Variants in DRC11 observed in about 807,000 individuals in gnomAD.
DRC11 encodes IQ and AAA domain-containing protein 1.
the DRC11 span, among the ~76,000 whole-genome samples, chr2:236,351,082 C>T: frequency 3.3e-5 from 5 of 152,268 alleles, no homozygotes; most frequent in Non-Finnish European, 7.4e-5. The surrounding 1 kb of genome is among the most constrained non-coding windows in gnomAD (Gnocchi z 7.3). Flanking sequence ...CTATGTTTGG[C>T]CCTGAACGTA....
At chr2:236,429,529 T>A in the DRC11 span, among the ~76,000 whole-genome samples, 1 of 152,288 alleles carries the variant, frequency 6.6e-6, no homozygotes, top group South Asian at 2.1e-4. The surrounding 1 kb of genome is among the most constrained non-coding windows in gnomAD (Gnocchi z 5.9). Context: ...ATAGCCTGGC[T>A]ACAGGAGTCA....
chr2:236,348,331 C>A, the DRC11 span, among the ~76,000 whole-genome samples: 1 of 152,186 alleles, frequency 6.6e-6, no homozygotes, highest in Admixed American at 6.5e-5. This position sits in a 1 kb window ranked among gnomAD's most constrained non-coding sequence, Gnocchi z 7.4. Flanking sequence ...CGACGCTGTA[C>A]ACTGAGCTGA....
chr2:236,381,192 G>C, the DRC11 span, among the ~76,000 whole-genome samples: 1,180 of 152,270 alleles, frequency 7.7e-3, 10 homozygotes, highest in Non-Finnish European at 0.01. The surrounding 1 kb of genome is among the most constrained non-coding windows in gnomAD (Gnocchi z 5.8). Context: ...CTTTGAAGTG[G>C]ATAATGAGGC....
the DRC11 span, among the ~76,000 whole-genome samples, chr2:236,345,915 C>G: frequency 2.0e-5 from 3 of 152,196 alleles, no homozygotes; most frequent in Non-Finnish European, 4.4e-5. Context: ...TAGGGACACT[C>G]TACTGTGTCT....
chr2:236,370,789 G>A, the DRC11 span, among the ~76,000 whole-genome samples: 1 of 120,862 alleles, frequency 8.3e-6, no homozygotes, highest in Admixed American at 1.1e-4. This position sits in a 1 kb window ranked among gnomAD's most constrained non-coding sequence, Gnocchi z 5.5. Context: ...CAGGGGTGCA[G>A]CAAGCAGTGG....
At chr2:236,368,829 G>C in the DRC11 span, 4 of 152,916 alleles carry the variant, frequency 2.6e-5, no homozygotes, top group African/African-American at 9.6e-5. Context: ...ATCTCCTTTT[G>C]AGGGTAATAT....
chr2:236,408,587 G>T, the DRC11 span: 2 of 726,754 alleles, frequency 2.8e-6, no homozygotes, highest in Non-Finnish European at 5.1e-6. The surrounding 1 kb of genome is among the most constrained non-coding windows in gnomAD (Gnocchi z 5.5). Context: ...GTGTGGCAGT[G>T]ACATGGATGA....
At chr2:236,400,734 T>C in the DRC11 span, among the ~76,000 whole-genome samples, 1 of 152,144 alleles carries the variant, frequency 6.6e-6, no homozygotes, top group Non-Finnish European at 1.5e-5. This position sits in a 1 kb window ranked among gnomAD's most constrained non-coding sequence, Gnocchi z 7.9. Context: ...CCTGATGGGC[T>C]CTTCCGTTTC....
At chr2:236,407,718 C>T in the DRC11 span, 1,178 of 269,814 alleles carry the variant, frequency 4.4e-3, 5 homozygotes, top group Non-Finnish European at 6.8e-3. Context: ...CCCCTGTGAT[C>T]CTCTCTCTCT....
At chr2:236,408,678 T>C in the DRC11 span, 3 of 721,934 alleles carry the variant, frequency 4.2e-6, no homozygotes, top group Non-Finnish European at 7.7e-6. The surrounding 1 kb of genome is among the most constrained non-coding windows in gnomAD (Gnocchi z 5.5). Flanking sequence ...CTTGCAGTAA[T>C]TGGTAAAGGC....
the DRC11 span, among the ~76,000 whole-genome samples, chr2:236,315,304 C>G: frequency 6.6e-6 from 1 of 151,978 alleles, no homozygotes; most frequent in African/African-American, 2.4e-5. This position sits in a 1 kb window ranked among gnomAD's most constrained non-coding sequence, Gnocchi z 5.1. Flanking sequence ...GAACCATGAA[C>G]AAAAATCAAT....
chr2:236,345,031 G>A, the DRC11 span, among the ~76,000 whole-genome samples: 49 of 114,786 alleles, frequency 4.3e-4, no homozygotes, highest in South Asian at 7.9e-4. Flanking sequence ...TTGTAAATGT[G>A]CTTCCCTCTG....
chr2:236,466,641 G>C, the DRC11 span, among the ~76,000 whole-genome samples: 1 of 152,018 alleles, frequency 6.6e-6, no homozygotes, highest in Non-Finnish European at 1.5e-5. Flanking sequence ...ATAAAGAAGG[G>C]GAGGTCCCAG....
At chr2:236,358,351 T>G in the DRC11 span, among the ~76,000 whole-genome samples, 1 of 135,638 alleles carries the variant, frequency 7.4e-6, no homozygotes, top group Admixed American at 7.5e-5. Context: ...AGATATATAC[T>G]ATATGAATAT....
the DRC11 span, among the ~76,000 whole-genome samples, chr2:236,506,726 G>A: frequency 2.6e-5 from 4 of 152,174 alleles, no homozygotes; most frequent in African/African-American, 9.7e-5. This position sits in a 1 kb window ranked among gnomAD's most constrained non-coding sequence, Gnocchi z 4.9. Flanking sequence ...TTATTCTTAC[G>A]AAGACCAAAT....
At chr2:236,402,364 TTTTTTCAGCTTTGCATTTCAGCTTTGCA>T in the DRC11 span, among the ~76,000 whole-genome samples, 1 of 152,224 alleles carries the variant, frequency 6.6e-6, no homozygotes, top group Admixed American at 6.5e-5. This position sits in a 1 kb window ranked among gnomAD's most constrained non-coding sequence, Gnocchi z 6.0. Context: ...CCACCACGTC[TTTTTTCAGCTTTGCATTTCAGCTTTGCA>T]TTTTTCAGCT....
At chr2:236,367,950 T>C in the DRC11 span, 3,146 of 531,022 alleles carry the variant, frequency 5.9e-3, 95 homozygotes, top group African/African-American at 0.054. The surrounding 1 kb of genome is among the most constrained non-coding windows in gnomAD (Gnocchi z 4.8). Context: ...GCTCATTGCC[T>C]GTATGTCCTT....
At chr2:236,491,355 T>C in the DRC11 span, among the ~76,000 whole-genome samples, 1 of 148,806 alleles carries the variant, frequency 6.7e-6, no homozygotes, top group Non-Finnish European at 1.5e-5. Flanking sequence ...GAAGTCCTTG[T>C]GGTTTTCTGA....
the DRC11 span, chr2:236,465,430 C>A: frequency 1.6e-6 from 2 of 1,258,694 alleles, no homozygotes; most frequent in Non-Finnish European, 2.3e-6. The surrounding 1 kb of genome is among the most constrained non-coding windows in gnomAD (Gnocchi z 6.2). Context: ...CAATATGCTT[C>A]TGTGCTTAAA....
Sources: allele counts gnomAD v4.1 joint callset (sites outside exome capture counted in the v4.1 genomes callset), GRCh38; gene constraint gnomAD v4.1.1; non-coding constraint Gnocchi (gnomAD v3.1); transcripts MANE v1.5; gene names NCBI Gene and HGNC (gene_info 2026-07-23, HGNC 2026-07-21).